The following MAP1LC3B2 variants were observed in gnomAD, a reference collection of about 807,000 sequenced individuals.
MAP1LC3B2 encodes the protein microtubule-associated protein 1 light chain 3 beta 2.
For synonymous variants in MAP1LC3B2, 62 were observed against 57.8 expected (o/e 1.07, Z -0.33); for missense variants, 155 against 154.6 (o/e 1.00, Z -0.01).
intron 1 of MAP1LC3B2, chr12:116,560,098 A>G (rs1251290259): frequency 6.7e-6 from 1 of 149,394 alleles, no homozygotes; most frequent in African/African-American, 2.5e-5. Flanking sequence ...AAACCACCGC[A>G]GCTCACTAAC....
intron 1 of MAP1LC3B2, among the ~76,000 whole-genome samples, chr12:116,575,299 A>G (rs947182262): frequency 1.3e-5 from 2 of 152,216 alleles, no homozygotes; most frequent in Non-Finnish European, 2.9e-5. Context: ...GAAAACAGGA[A>G]GGAAACATTT....
chr12:116,570,564 G>T (rs145234736), intron 1 of MAP1LC3B2, among the ~76,000 whole-genome samples: 8,457 of 152,198 alleles, frequency 0.056, 398 homozygotes, highest in East Asian at 0.21. Flanking sequence ...ATACTGTTCT[G>T]GTGGTAGTGA....
intron 1 of MAP1LC3B2, among the ~76,000 whole-genome samples, chr12:116,570,266 A>G (rs1869492891): frequency 6.6e-6 from 1 of 152,218 alleles, no homozygotes; most frequent in Non-Finnish European, 1.5e-5. Flanking sequence ...TGCATTCAGT[A>G]GAAACTGTAC....
chr12:116,560,612 A>T (rs539961445), intron 1 of MAP1LC3B2, among the ~76,000 whole-genome samples: 1 of 152,118 alleles, frequency 6.6e-6, no homozygotes. Flanking sequence ...AAAAGAAAAG[A>T]TATGTCCACA....
intron 1 of MAP1LC3B2, among the ~76,000 whole-genome samples, chr12:116,575,105 A>G (rs530967616): frequency 8.2e-4 from 125 of 151,804 alleles, no homozygotes; most frequent in African/African-American, 2.7e-3. Flanking sequence ...ACTCCAACCC[A>G]GAAGGCGGAG....
chr12:116,570,518 A>G (rs10850668), intron 1 of MAP1LC3B2, among the ~76,000 whole-genome samples: 43,456 of 152,030 alleles, frequency 0.29, 6,736 homozygotes, highest in Middle Eastern at 0.38. Flanking sequence ...GGGGAACTCA[A>G]TGGGAGGTAA....
intron 1 of MAP1LC3B2, among the ~76,000 whole-genome samples, chr12:116,563,191 T>C (rs560727275): frequency 6.6e-6 from 1 of 152,196 alleles, no homozygotes; most frequent in African/African-American, 2.4e-5. Flanking sequence ...ACTCCTAACC[T>C]CAGGTGATCT....
At chr12:116,566,886 G>A (rs945958004) in intron 1 of MAP1LC3B2, among the ~76,000 whole-genome samples, 9 of 119,796 alleles carry the variant, frequency 7.5e-5, no homozygotes, top group African/African-American at 1.9e-4. Flanking sequence ...AGCCAAGATC[G>A]TGCCACTGCA....
chr12:116,566,616 T>TAAAAAAAAAA (rs58530141), intron 1 of MAP1LC3B2, among the ~76,000 whole-genome samples: 5 of 91,624 alleles, frequency 5.5e-5, no homozygotes, highest in Non-Finnish European at 8.3e-5. Flanking sequence ...AGTCAGTGAT[T>TAAAAAAAAAA]AAAAAAAAAA....
rs185440458 is a variant in MAP1LC3B2, at chr12:116,576,258, G to A, written c.316G>A (p.Asp106Asn). ...GGTGTATGAGAGTGAGAAAGATGAA[G>A]ATGGATTCCTGTACATGGTCTGTGC... is the stretch of plus-strand genomic sequence containing the variant. ...SEVYESEKDE[D>N]GFLYMVCASQ... Residue 106 changes from aspartate to asparagine, a missense_variant, in exon 2 of 2, where the codon GAT (aspartate) becomes AAT (asparagine). Physicochemically the swap from Asp to Asn is conservative, Grantham distance 23. Coordinates refer to ENST00000556529, the MANE Select transcript of MAP1LC3B2 (RefSeq NM_001085481.3). 4 of 1,614,158 alleles carry A rather than the reference G, an allele frequency of 2.5e-6. No homozygotes were observed. Among genetic ancestry groups the A allele is most frequent in the Middle Eastern group, 3.3e-4 (2 of 6,062 alleles).
At position 116,576,020 on chromosome 12, in the gene MAP1LC3B2, G is replaced by A; in HGVS notation, c.78G>A (p.Gln26=). ...AAGATGTCCGACTTATTCGAGAGCAGCATCCAACCAAAATCCCGGTGATAA... is the reference window on the plus strand; with the variant it reads ...AAGATGTCCGACTTATTCGAGAGCAACATCCAACCAAAATCCCGGTGATAA... ...RVEDVRLIRE[Q]HPTKIPVIIE... Residue 26 remains glutamine (Q), a synonymous_variant, in exon 2 of 2, where the codon CAG becomes CAA. Coordinates refer to ENST00000556529, the MANE Select transcript of MAP1LC3B2 (RefSeq NM_001085481.3). 6.2e-7 allele frequency: 1 copy of A among 1,614,224 alleles called. No individual in the cohort carries two copies. The highest frequency in any genetic ancestry group is 1.1e-5 in the South Asian group (1 of 91,086).
intron 1 of MAP1LC3B2, among the ~76,000 whole-genome samples, chr12:116,560,863 T>C (rs1030605126): frequency 3.3e-5 from 5 of 149,804 alleles, no homozygotes; most frequent in Admixed American, 2.7e-4. Context: ...ACACCTCTAA[T>C]CCCAGCACCT....
At chr12:116,575,231 TAAAG>T (rs1441418454) in intron 1 of MAP1LC3B2, among the ~76,000 whole-genome samples, 2 of 143,028 alleles carry the variant, frequency 1.4e-5, no homozygotes, top group African/African-American at 2.6e-5. Flanking sequence ...ATTAAAAAAA[TAAAG>T]AAGAAAAAAA....
intron 1 of MAP1LC3B2, among the ~76,000 whole-genome samples, chr12:116,569,881 C>T (rs566436906): frequency 8.7e-4 from 133 of 152,068 alleles, no homozygotes; most frequent in African/African-American, 2.9e-3. Context: ...TGGTGAAAAC[C>T]TGTCTCTACT....
chr12:116,576,349 T>C lies in MAP1LC3B2; in HGVS notation c.*29T>C, dbSNP rs1451896197. The C allele has an allele frequency of 1.3e-6, 2 of 1,590,992 alleles. No homozygotes were observed. Among genetic ancestry groups the C allele is most frequent in the Non-Finnish European group, 8.5e-7 (1 of 1,173,226 alleles). On this transcript the variant is annotated 3_prime_UTR_variant, in exon 2 of 2. Transcript: ENST00000556529. Reference sequence around the variant, plus strand: ...CAGAAAAAATGCATCTCTTCTAGAATTTTTTAAACCCTTACCAAGGAAAAA... The same window carrying C: ...CAGAAAAAATGCATCTCTTCTAGAACTTTTTAAACCCTTACCAAGGAAAAA...
intron 1 of MAP1LC3B2, among the ~76,000 whole-genome samples, chr12:116,564,288 T>C (rs1033632637): frequency 2.2e-4 from 33 of 152,260 alleles, no homozygotes; most frequent in African/African-American, 7.7e-4. Context: ...AAGTTTTCAT[T>C]GGATGCTAGA....
At chr12:116,563,207 C>T (rs1869312942) in intron 1 of MAP1LC3B2, among the ~76,000 whole-genome samples, 1 of 152,182 alleles carries the variant, frequency 6.6e-6, no homozygotes, top group Non-Finnish European at 1.5e-5. Flanking sequence ...GATCTGCCCA[C>T]CTCGGCCTCC....
intron 1 of MAP1LC3B2, chr12:116,560,198 A>G (rs1205674787): frequency 7.9e-5 from 1 of 12,612 alleles, no homozygotes. Flanking sequence ...CTATATATAT[A>G]TATATATATA....
intron 1 of MAP1LC3B2, among the ~76,000 whole-genome samples, chr12:116,567,464 T>C (rs1413924477): frequency 2.0e-5 from 3 of 151,190 alleles, no homozygotes; most frequent in Non-Finnish European, 4.4e-5. Context: ...TTTTTTTTTT[T>C]TGGCCAGGCA....
Sources: allele counts gnomAD v4.1 joint callset (sites outside exome capture counted in the v4.1 genomes callset), GRCh38; gene constraint gnomAD v4.1.1; transcripts MANE v1.5; gene names NCBI Gene and HGNC (gene_info 2026-07-23, HGNC 2026-07-21).